The following OGFOD3 variants were observed in gnomAD, a reference collection of about 807,000 sequenced individuals.
OGFOD3 encodes 2-oxoglutarate and iron-dependent oxygenase domain-containing protein 3.
A neutral mutation model predicts 39.8 loss-of-function variants in OGFOD3; 35 were observed. That is an observed-to-expected ratio of 0.88 (90% CI 0.67 to 1.17). The LOEUF (loss-of-function observed/expected upper bound fraction) is 1.17. OGFOD3 is among the 50% of genes most tolerant of loss of function. The pLI is 0.00. For missense variants in OGFOD3, 438 were observed against 454.5 expected (o/e 0.96, Z 0.33); for synonymous variants, 200 against 192.0 (o/e 1.04, Z -0.34).
chr17:82,409,340 A>G (rs2052907134), intron 4 of OGFOD3, 28 bp downstream of exon 4: 1 of 1,610,566 alleles, frequency 6.2e-7, no homozygotes, highest in Non-Finnish European at 8.5e-7. Flanking sequence ...GGGTAAAAAA[A>G]GGGGGGCAGG....
chr17:82,401,803 C>CAAAAAAAAAAAAAAAGAAAAAA (rs2052768571), intron 7 of OGFOD3, among the ~76,000 whole-genome samples: 1 of 61,724 alleles, frequency 1.6e-5, no homozygotes, highest in Non-Finnish European at 2.7e-5. Flanking sequence ...GACTCCATCT[C>CAAAAAAAAAAAAAAAGAAAAAA]AAAAAAAAAA....
Position 82,392,591 on chromosome 17 carries a change from T to C in OGFOD3, c.824-57A>G, listed in dbSNP as rs562810024. ...AGAGCCACACCCACGGCCACAGCCT[T>C]CAGAGGGTCTGCGGTCACCTGAAAG... On this transcript the variant is annotated intron_variant, in intron 8 of 8. Coordinates refer to ENST00000313056, the MANE Select transcript of OGFOD3 (RefSeq NM_024648.3). This position sits in a 1 kb window ranked among gnomAD's most constrained non-coding sequence, Gnocchi z 4.2. 6.5e-6 allele frequency: 10 copies of C among 1,542,978 alleles called. No individual in the cohort carries two copies. In the South Asian group the frequency reaches 1.2e-4, roughly 19 times the overall value.
At chr17:82,396,403 G>A (rs892421705) in intron 8 of OGFOD3, 1 of 151,476 alleles carries the variant, frequency 6.6e-6, no homozygotes, top group Non-Finnish European at 1.5e-5. Flanking sequence ...TCAGACAGAT[G>A]TACGACATCA....
In OGFOD3 at chr17:82,390,983, C is replaced by G; in HGVS notation, c.*1415G>C. On this transcript the variant is annotated 3_prime_UTR_variant, in exon 9 of 9. Transcript: ENST00000313056. The surrounding 1 kb of genome is among the most constrained non-coding windows in gnomAD (Gnocchi z 4.9). ...CTTTATCAACCCCCAGAGCAGCTCC[C>G]GGGCCACAGGTGGGGCCTCCTCCAG... 1 of 186,952 alleles carries G rather than the reference C, an allele frequency of 5.3e-6. No homozygotes were observed. Among genetic ancestry groups the G allele is most frequent in the South Asian group, 7.0e-5 (1 of 14,222 alleles). 11.6% of individuals were successfully genotyped at this position (186,952 alleles called of 1,614,324 possible). A position where few individuals can be genotyped will look rare whatever the true frequency, so the allele number is the denominator to read the frequency against.
chr17:82,401,613 G>C (rs959111514), intron 7 of OGFOD3, among the ~76,000 whole-genome samples: 23 of 151,152 alleles, frequency 1.5e-4, no homozygotes, highest in Admixed American at 8.6e-4. Context: ...AGACTAGCCT[G>C]GCTAACATGG....
intron 7 of OGFOD3, among the ~76,000 whole-genome samples, chr17:82,400,385 C>T (rs114909588): frequency 5.8e-4 from 89 of 152,324 alleles, no homozygotes; most frequent in African/African-American, 2.1e-3. Context: ...TGAGCAAAGC[C>T]GCGTGCGGAC....
At position 82,392,230 on chromosome 17, in the gene OGFOD3, T is replaced by C. The variant is rs984445781; in HGVS notation, c.*168A>G. ...GATGCTGGAGAAGTGAAAAGCTGGTTCCCTTCATTTACTCACAGATGAAAA... is the reference window on the plus strand; with the variant it reads ...GATGCTGGAGAAGTGAAAAGCTGGTCCCCTTCATTTACTCACAGATGAAAA... On this transcript the variant is annotated 3_prime_UTR_variant, in exon 9 of 9. Coordinates refer to ENST00000313056, the MANE Select transcript of OGFOD3 (RefSeq NM_024648.3). This position sits in a 1 kb window ranked among gnomAD's most constrained non-coding sequence, Gnocchi z 4.2. 9.2e-6 allele frequency: 7 copies of C among 764,430 alleles called. No individual in the cohort carries two copies. Among genetic ancestry groups the C allele is most frequent in the Non-Finnish European group, 1.4e-5 (7 of 485,168 alleles). 47.4% of individuals were successfully genotyped at this position (764,430 alleles called of 1,614,324 possible). A position where few individuals can be genotyped will look rare whatever the true frequency, so the allele number is the denominator to read the frequency against.
chr17:82,414,556 G>A (rs986761869), intron 2 of OGFOD3, among the ~76,000 whole-genome samples: 1 of 152,224 alleles, frequency 6.6e-6, no homozygotes, highest in Admixed American at 6.5e-5. Flanking sequence ...CTTCTGCTAA[G>A]AAAGAGAGAG....
chr17:82,407,612 C>A (rs1472260093), intron 4 of OGFOD3, among the ~76,000 whole-genome samples: 1 of 152,224 alleles, frequency 6.6e-6, no homozygotes, highest in Non-Finnish European at 1.5e-5. Context: ...GTCATCCCAC[C>A]TGTGACCCCA....
intron 7 of OGFOD3, among the ~76,000 whole-genome samples, chr17:82,399,288 G>A (rs1035749754): frequency 6.6e-5 from 10 of 152,314 alleles, no homozygotes; most frequent in South Asian, 6.2e-4. Flanking sequence ...TGGAGCAGCC[G>A]TGTTCCAGCA....
chr17:82,417,092 C>T (rs1232132168), intron 1 of OGFOD3: 1 of 152,166 alleles, frequency 6.6e-6, no homozygotes, highest in African/African-American at 2.4e-5. Flanking sequence ...AATAACTTCT[C>T]ATATTACTAT....
At position 82,394,094 on chromosome 17, in the gene OGFOD3, G is replaced by A. The variant is rs191486802; in HGVS notation, c.824-1560C>T. 7.9e-3 allele frequency among the ~76,000 whole-genome samples: 1,184 copies of A among 150,488 alleles called. 12 individuals carry two copies. Among genetic ancestry groups the A allele is most frequent in the African/African-American group, 0.028 (1,137 of 40,862 alleles). Reference sequence around the variant, plus strand: ...AAGCTCTGCCTCCTGGGTTCACGCCGTTCTCCTGCCTCAGCCTCCCTAGTA... The same window carrying A: ...AAGCTCTGCCTCCTGGGTTCACGCCATTCTCCTGCCTCAGCCTCCCTAGTA... On this transcript the variant is annotated intron_variant, in intron 8 of 8. Transcript: ENST00000313056.
chr17:82,418,490 C>G lies in OGFOD3; in HGVS notation c.-5G>C. On this transcript the variant is annotated 5_prime_UTR_variant, in exon 1 of 9. Transcript: ENST00000313056. ...GGCCCTCCGCTGAGGAGCCATCGGA[C>G]CAGGCCGCCGCGGAGCCGGGCCGGA... 7.1e-7 allele frequency: 1 copy of G among 1,406,930 alleles called. No individual in the cohort carries two copies. The highest frequency in any genetic ancestry group is 9.2e-7 in the Non-Finnish European group (1 of 1,083,070). The allele number at this position is 1,406,930 out of a possible 1,614,324, so 87.2% of individuals were successfully genotyped here.
At position 82,398,886 on chromosome 17, in the gene OGFOD3, C is replaced by CTTT. The variant is rs112854665; in HGVS notation, c.700-568_700-567insAAA. On this transcript the variant is annotated intron_variant, in intron 7 of 8. Coordinates refer to ENST00000313056, the MANE Select transcript of OGFOD3 (RefSeq NM_024648.3). Reference sequence around the variant, plus strand: ...CTACAACCAGCTAATTTTTTCTTTTCTATTTTTTTTTTTGTAGAGATGGCA... The same window carrying CTTT: ...CTACAACCAGCTAATTTTTTCTTTTCTTTTATTTTTTTTTTTGTAGAGATGGCA... Among the ~76,000 whole-genome samples the CTTT allele has an allele frequency of 6.7e-4, 96 of 142,922 alleles. 2 individuals are homozygous for CTTT. Among genetic ancestry groups the CTTT allele is most frequent in the East Asian group, 4.0e-3 (20 of 4,942 alleles). The allele number at this position is 142,922 out of a possible 152,430, so 93.8% of individuals were successfully genotyped here.
Position 82,418,344 on chromosome 17 carries a change from C to A in OGFOD3, c.74+68G>T, listed in dbSNP as rs1323973036. 1.9e-5 allele frequency: 18 copies of A among 924,450 alleles called. No individual in the cohort carries two copies. In the East Asian group the frequency reaches 6.2e-4, roughly 32 times the overall value. The allele number at this position is 924,450 out of a possible 1,614,324, so 57.3% of individuals were successfully genotyped here. A position where few individuals can be genotyped will look rare whatever the true frequency, so the allele number is the denominator to read the frequency against. On this transcript the variant is annotated intron_variant, in intron 1 of 8. Transcript: ENST00000313056. ...TCGGGCCAGGCCCCGCCCCATCAGC[C>A]CCAGTCCCGCCCACTCCATGGCCCT...
At chr17:82,395,024 TTTTG>T (rs2052650666) in intron 8 of OGFOD3, among the ~76,000 whole-genome samples, 1 of 152,134 alleles carries the variant, frequency 6.6e-6, no homozygotes, top group South Asian at 2.1e-4. Context: ...CTGGATTGTT[TTTTG>T]TTTTTGTTTT....
intron 4 of OGFOD3, among the ~76,000 whole-genome samples, chr17:82,408,458 C>T (rs1447670449): frequency 6.6e-6 from 1 of 152,246 alleles, no homozygotes; most frequent in Non-Finnish European, 1.5e-5. Context: ...CACTGCCCAA[C>T]AGGAGGGCGA....
At chr17:82,410,546 C>T (rs190881047) in intron 3 of OGFOD3, among the ~76,000 whole-genome samples, 83 of 152,170 alleles carry the variant, frequency 5.5e-4, no homozygotes, top group African/African-American at 1.7e-3. Context: ...CCGGAGGCTC[C>T]GTGGGGAGCA....
In OGFOD3 at chr17:82,390,799, C is replaced by T. The variant is rs1414689935; in HGVS notation, c.*1599G>A. The stretch of plus-strand genomic sequence containing the variant: ...ACCATGCCTCAGCTGGCCTCACGCC[C>T]GCTCCTTCCCAGGGGTCACCATGCC... On this transcript the variant is annotated 3_prime_UTR_variant, in exon 9 of 9. Coordinates refer to ENST00000313056, the MANE Select transcript of OGFOD3 (RefSeq NM_024648.3). The surrounding 1 kb of genome is among the most constrained non-coding windows in gnomAD (Gnocchi z 4.9). The T allele has an allele frequency of 3.1e-5, 4 of 130,170 alleles. No individual in the cohort carries two copies. Among genetic ancestry groups the T allele is most frequent in the Admixed American group, 1.6e-4 (2 of 12,684 alleles). The allele number at this position is 130,170 out of a possible 1,614,324, so 8.1% of individuals were successfully genotyped here. A position where few individuals can be genotyped will look rare whatever the true frequency, so the allele number is the denominator to read the frequency against.
Sources: gnomAD v4.1 joint callset for allele counts (sites outside exome capture counted in the v4.1 genomes callset) on GRCh38, gnomAD v4.1.1 for gene constraint, Gnocchi (gnomAD v3.1) non-coding constraint, MANE v1.5 for transcripts, NCBI Gene and HGNC (gene_info 2026-07-23, HGNC 2026-07-21) for gene names.